GLIS3: variants seen among roughly 807,000 people sequenced by gnomAD.
GLIS3 encodes the protein GLIS family zinc finger 3.
A neutral mutation model predicts 78.6 loss-of-function variants in GLIS3; 53 were observed. The observed-to-expected ratio is 0.67, with a 90% CI of 0.54 to 0.85. The LOEUF (loss-of-function observed/expected upper bound fraction) is 0.85. Among genes scored for constraint, GLIS3 ranks in the 40% least tolerant of loss-of-function variants. The pLI is 0.00. For missense variants in GLIS3, 1,703 were observed against 1,231.1 expected, an observed-to-expected ratio of 1.38 and a Z score of -5.74; for synonymous variants, 684 against 509.9, an observed-to-expected ratio of 1.34 and a Z score of -4.60.
intron 2 of GLIS3, among the ~76,000 whole-genome samples, chr9:4,221,929 C>G (rs1453625888): frequency 6.6e-6 from 1 of 152,222 alleles, no homozygotes; most frequent in Non-Finnish European, 1.5e-5. Flanking sequence ...ATTTAAGAGT[C>G]TGGGCTCCAT....
chr9:4,016,067 C>T (rs79874678), intron 4 of GLIS3, among the ~76,000 whole-genome samples: 4 of 152,222 alleles, frequency 2.6e-5, no homozygotes, highest in Non-Finnish European at 4.4e-5. Flanking sequence ...ACTATTACAA[C>T]TGTCCTACAC....
chr9:3,912,043 C>T (rs1357505154), intron 6 of GLIS3, among the ~76,000 whole-genome samples: 3 of 152,144 alleles, frequency 2.0e-5, no homozygotes, highest in Non-Finnish European at 2.9e-5. Context: ...CTCAGCTCTG[C>T]CCCTACTGCT....
At chr9:4,196,705 A>G (rs1252673461) in intron 2 of GLIS3, among the ~76,000 whole-genome samples, 1 of 152,194 alleles carries the variant, frequency 6.6e-6, no homozygotes, top group African/African-American at 2.4e-5. Flanking sequence ...AGCAAACTCC[A>G]GACACGCCAT....
At chr9:4,239,945 C>T (rs965759526) in intron 2 of GLIS3, among the ~76,000 whole-genome samples, 1 of 152,122 alleles carries the variant, frequency 6.6e-6, no homozygotes, top group Non-Finnish European at 1.5e-5. Flanking sequence ...ACTCATCTGC[C>T]TTATTTTAGT....
At chr9:3,988,600 C>T (rs1819964394) in intron 4 of GLIS3, among the ~76,000 whole-genome samples, 1 of 152,038 alleles carries the variant, frequency 6.6e-6, no homozygotes, top group Non-Finnish European at 1.5e-5. Context: ...CAGACAGGCC[C>T]ACATAAATTC....
At chr9:4,174,233 T>A (rs1040877904) in intron 2 of GLIS3, among the ~76,000 whole-genome samples, 1 of 152,206 alleles carries the variant, frequency 6.6e-6, no homozygotes, top group African/African-American at 2.4e-5. Context: ...ATAAGCTGCA[T>A]TTAAGTCCTT....
At chr9:3,833,899 G>A (rs1474865647) in intron 9 of GLIS3, among the ~76,000 whole-genome samples, 1 of 152,052 alleles carries the variant, frequency 6.6e-6, no homozygotes, top group Non-Finnish European at 1.5e-5. Context: ...TCAGTTTTGG[G>A]AAGTTTTTTT....
the GLIS3 span, among the ~76,000 whole-genome samples, chr9:4,380,846 G>C: frequency 6.6e-6 from 1 of 152,210 alleles, no homozygotes; most frequent in Non-Finnish European, 1.5e-5. Flanking sequence ...AACGAGAAGA[G>C]AAGGACTCCC....
chr9:4,268,173 T>G (rs555510200), intron 2 of GLIS3, among the ~76,000 whole-genome samples: 2 of 152,136 alleles, frequency 1.3e-5, no homozygotes, highest in Non-Finnish European at 2.9e-5. Flanking sequence ...TGTATGACCT[T>G]GCGAAAATTA....
the GLIS3 span, among the ~76,000 whole-genome samples, chr9:4,474,461 G>C: frequency 6.6e-6 from 1 of 152,090 alleles, no homozygotes; most frequent in African/African-American, 2.4e-5. Context: ...AGAGGAGACA[G>C]GATGATCTTT....
At chr9:4,318,676 A>G (rs1817475310) in intron 2 of GLIS3, among the ~76,000 whole-genome samples, 1 of 152,246 alleles carries the variant, frequency 6.6e-6, no homozygotes, top group Non-Finnish European at 1.5e-5. Flanking sequence ...CCTCTTTTTT[A>G]CAGTGAAATA....
chr9:4,049,277 C>T (rs542802395), intron 4 of GLIS3, among the ~76,000 whole-genome samples: 2 of 152,312 alleles, frequency 1.3e-5, no homozygotes, highest in South Asian at 4.1e-4. Context: ...TAACCTCTGC[C>T]TTGATACCTA....
intron 2 of GLIS3, among the ~76,000 whole-genome samples, chr9:4,341,902 G>C (rs1817838407): frequency 6.6e-6 from 1 of 152,066 alleles, no homozygotes; most frequent in African/African-American, 2.4e-5. Context: ...GTCTTCTTTT[G>C]AGAAGTATCT....
chr9:4,463,884 G>A, the GLIS3 span, among the ~76,000 whole-genome samples: 1 of 152,186 alleles, frequency 6.6e-6, no homozygotes, highest in Non-Finnish European at 1.5e-5. Flanking sequence ...ATTTGTACGT[G>A]TGGTATAGGT....
chr9:4,195,876 G>A (rs1038841051), intron 2 of GLIS3, among the ~76,000 whole-genome samples: 2 of 152,272 alleles, frequency 1.3e-5, no homozygotes, highest in Non-Finnish European at 1.5e-5. Flanking sequence ...AGGACGTGGA[G>A]AACTTTTATG....
At chr9:4,076,398 C>T (rs1407710815) in intron 4 of GLIS3, among the ~76,000 whole-genome samples, 1 of 152,174 alleles carries the variant, frequency 6.6e-6, no homozygotes, top group Non-Finnish European at 1.5e-5. Flanking sequence ...CAACGCATAC[C>T]TGTAGTGTTA....
In GLIS3 at chr9:4,035,260, T is replaced by C. The variant is rs1824205869; in HGVS notation, c.1710+82508A>G. 3.9e-5 allele frequency among the ~76,000 whole-genome samples: 6 copies of C among 152,152 alleles called. No individual in the cohort carries two copies. In the South Asian group the frequency reaches 1.2e-3, roughly 32 times the overall value. On this transcript the variant is annotated intron_variant, in intron 4 of 10. Transcript: ENST00000381971. ...GTGAAAGCATTAAGACTTGGATTAC[T>C]TGTTAGAAGATCCTACAGATAGTGA...
At chr9:4,397,661 GAAGGA>G in the GLIS3 span, among the ~76,000 whole-genome samples, 4 of 98,924 alleles carry the variant, frequency 4.0e-5, no homozygotes, top group African/African-American at 1.6e-4. Flanking sequence ...GAAAAGGAAG[GAAGGA>G]AGGGAGGGAG....
At chr9:4,366,729 G>A in the GLIS3 span, among the ~76,000 whole-genome samples, 2 of 152,218 alleles carry the variant, frequency 1.3e-5, no homozygotes, top group Non-Finnish European at 1.5e-5. Flanking sequence ...AGGCCTAGGA[G>A]TGCCAGTAAG....
Sources: allele counts gnomAD v4.1 joint callset (sites outside exome capture counted in the v4.1 genomes callset), GRCh38; gene constraint gnomAD v4.1.1; transcripts MANE v1.5; gene names NCBI Gene and HGNC (gene_info 2026-07-23, HGNC 2026-07-21).